The following NUTM2E variants were observed in gnomAD, a reference collection of about 807,000 sequenced individuals.
The protein encoded by NUTM2E is family with sequence similarity 22, member E.
NUTM2E carries 3 observed loss-of-function variants against 26.1 expected under a neutral mutation model. That is an observed-to-expected ratio of 0.12 (90% CI 0.05 to 0.30). The LOEUF (loss-of-function observed/expected upper bound fraction) is 0.30, where lower values mean the gene tolerates loss of function less well. Ranked by LOEUF, NUTM2E falls within the 10% of genes least tolerant of loss-of-function variation. The pLI, the probability that NUTM2E is intolerant of heterozygous loss-of-function variation, is 1.00. For missense variants in NUTM2E, 62 were observed against 381.3 expected (o/e 0.16, Z 6.97); for synonymous variants, 13 against 157.5 (o/e 0.08, Z 6.87).
chr10:79,829,847 A>G (rs1308355358), intron 1 of NUTM2E, among the ~76,000 whole-genome samples: 11 of 151,550 alleles, frequency 7.3e-5, no homozygotes. Flanking sequence ...AGCTGATGTA[A>G]AGGACATCCA....
At chr10:79,834,249 C>G (rs1189988034) in intron 1 of NUTM2E, among the ~76,000 whole-genome samples, 1 of 151,572 alleles carries the variant, frequency 6.6e-6, no homozygotes, top group African/African-American at 2.4e-5. Flanking sequence ...AAGAGAAATA[C>G]GTAATGCAGA....
At chr10:79,831,861 C>T (rs1166356869) in intron 1 of NUTM2E, among the ~76,000 whole-genome samples, 2 of 150,740 alleles carry the variant, frequency 1.3e-5, no homozygotes, top group Non-Finnish European at 3.0e-5. Flanking sequence ...AACAAATTAC[C>T]GTAGACTGGG....
intron 6 of NUTM2E, among the ~76,000 whole-genome samples, chr10:79,847,251 A>C (rs1422327339): frequency 8.6e-6 from 1 of 116,288 alleles, no homozygotes; most frequent in Non-Finnish European, 2.2e-5. Flanking sequence ...GGTCACCTCC[A>C]GCTGTGGGGA....
chr10:79,849,066 CTGTG>C (rs1458730373), intron 8 of NUTM2E, among the ~76,000 whole-genome samples, 171 bp downstream of exon 8: 6 of 111,618 alleles, frequency 5.4e-5, no homozygotes, highest in Non-Finnish European at 9.1e-5. Flanking sequence ...TGGTTTGTTA[CTGTG>C]TGTCTTTGTG....
intron 1 of NUTM2E, among the ~76,000 whole-genome samples, chr10:79,832,022 A>C (rs1161544694): frequency 1.6e-4 from 1 of 6,122 alleles, no homozygotes; most frequent in African/African-American, 3.1e-4. Context: ...AGAGACTGAG[A>C]GAGAGAAAGA....
At chr10:79,833,197 A>G (rs1258058875) in intron 1 of NUTM2E, among the ~76,000 whole-genome samples, 1 of 151,944 alleles carries the variant, frequency 6.6e-6, no homozygotes, top group Admixed American at 6.6e-5. Flanking sequence ...ATTAAGCAGA[A>G]GAAATTGCTT....
In NUTM2E at chr10:79,832,999, G is replaced by A. The variant is rs543940158; in HGVS notation, c.-2727-5310G>A. 9.5e-4 allele frequency among the ~76,000 whole-genome samples: 144 copies of A among 151,706 alleles called. 2 individuals are homozygous for A. The highest frequency in any genetic ancestry group is 2.8e-3 in the African/African-American group (118 of 41,434). On this transcript the variant is annotated intron_variant, in intron 1 of 9. Coordinates refer to ENST00000429984, the MANE Select transcript of NUTM2E (RefSeq NM_001355263.2). ...GTATATGTATCTGCATGTTTGTGTC[G>A]TATTTTGGAGTTGTTATTCAGCTTT...
chr10:79,831,101 A>C (rs1324983708), intron 1 of NUTM2E, among the ~76,000 whole-genome samples: 1 of 151,816 alleles, frequency 6.6e-6, no homozygotes, highest in African/African-American at 2.4e-5. Context: ...TGAGCCTCCA[A>C]ATAGTGCATT....
chr10:79,827,257 C>T lies in NUTM2E; in HGVS notation c.-2828C>T, dbSNP rs1044031087. 6 of 152,714 alleles carry T rather than the reference C, an allele frequency of 3.9e-5. 1 individual carries two copies. The highest frequency in any genetic ancestry group is 7.3e-5 in the African/African-American group (3 of 41,210). 9.5% of individuals were successfully genotyped at this position (152,714 alleles called of 1,614,324 possible). A position where few individuals can be genotyped will look rare whatever the true frequency, so the allele number is the denominator to read the frequency against. ...TGGCTTCAGCGGAATACCTACTGTGCGGGATTATTCAACAAGCCGATTGAT... is the reference window on the plus strand; with the variant it reads ...TGGCTTCAGCGGAATACCTACTGTGTGGGATTATTCAACAAGCCGATTGAT... On this transcript the variant is annotated 5_prime_UTR_variant, in exon 1 of 10. Coordinates refer to ENST00000429984, the MANE Select transcript of NUTM2E (RefSeq NM_001355263.2).
Position 79,841,038 on chromosome 10 carries a change from A to T in NUTM2E, c.-703A>T, listed in dbSNP as rs1199068934. 6.5e-5 allele frequency among the ~76,000 whole-genome samples: 7 copies of T among 107,554 alleles called. No homozygotes were observed. Among genetic ancestry groups the T allele is most frequent in the Admixed American group, 1.1e-4 (1 of 9,156 alleles). 70.6% of individuals were successfully genotyped at this position (107,554 alleles called of 152,430 possible). A position where few individuals can be genotyped will look rare whatever the true frequency, so the allele number is the denominator to read the frequency against. ...TTAAAGACAGGCTACAATAATTCCC[A>T]TGCAGAGAACCACATGCCATGACAC... is the stretch of plus-strand genomic sequence containing the variant. On this transcript the variant is annotated 5_prime_UTR_variant, in exon 4 of 10. An upstream start codon of the reference 5' UTR is lost. Coordinates refer to ENST00000429984, the MANE Select transcript of NUTM2E (RefSeq NM_001355263.2).
chr10:79,834,965 G>A (rs1204687586), intron 1 of NUTM2E, among the ~76,000 whole-genome samples: 5 of 151,438 alleles, frequency 3.3e-5, no homozygotes, highest in African/African-American at 9.7e-5. Flanking sequence ...TCTATTATCT[G>A]TCTCTTAATC....
At position 79,827,099 on chromosome 10, in the gene NUTM2E, G is replaced by T. The variant is rs1841888360; in HGVS notation, c.-2986G>T. 6.6e-6 allele frequency: 1 copy of T among 152,196 alleles called. No individual in the cohort carries two copies. The highest frequency in any genetic ancestry group is 6.6e-5 in the Admixed American group (1 of 15,180). 9.4% of individuals were successfully genotyped at this position (152,196 alleles called of 1,614,324 possible). A position where few individuals can be genotyped will look rare whatever the true frequency, so the allele number is the denominator to read the frequency against. ...AGCCCCGCCCGCGGCGAGGTGCGCGGGGTTCGGTGCGAGCCCCTCGCCCCT... is the reference window on the plus strand; with the variant it reads ...AGCCCCGCCCGCGGCGAGGTGCGCGTGGTTCGGTGCGAGCCCCTCGCCCCT... On this transcript the variant is annotated 5_prime_UTR_variant, in exon 1 of 10. Coordinates refer to ENST00000429984, the MANE Select transcript of NUTM2E (RefSeq NM_001355263.2).
At chr10:79,828,567 A>C (rs1035468092) in intron 1 of NUTM2E, among the ~76,000 whole-genome samples, 1 of 151,924 alleles carries the variant, frequency 6.6e-6, no homozygotes, top group Non-Finnish European at 1.5e-5. Flanking sequence ...TGGTAGTGGA[A>C]AAGTAGAAGG....
rs2132419482 is a variant in NUTM2E at position 79,840,581 on chromosome 10, G to A, written c.-1160G>A. ...CCTTCTCACACAACTGGGGCAGTGG[G>A]GGAGAACCCTGGGCTTGAGACTTGC... On this transcript the variant is annotated 5_prime_UTR_variant, in exon 4 of 10. Transcript: ENST00000429984. 6.9e-6 allele frequency among the ~76,000 whole-genome samples: 1 copy of A among 145,482 alleles called. No individual in the cohort carries two copies. Among genetic ancestry groups the A allele is most frequent in the Admixed American group, 6.9e-5 (1 of 14,548 alleles).
At position 79,840,802 on chromosome 10, in the gene NUTM2E, C is replaced by A. The variant is rs1841994269; in HGVS notation, c.-939C>A. 8.1e-6 allele frequency among the ~76,000 whole-genome samples: 1 copy of A among 123,246 alleles called. No individual in the cohort carries two copies. The highest frequency in any genetic ancestry group is 8.6e-5 in the Admixed American group (1 of 11,646). The allele number at this position is 123,246 out of a possible 152,430, so 80.9% of individuals were successfully genotyped here. ...CTTCCCTTCCCCAACACCCTCCCAT[C>A]GTGCAAAATTACCCTGCCCAGCAGG... On this transcript the variant is annotated 5_prime_UTR_variant, in exon 4 of 10. Transcript: ENST00000429984.
Position 79,827,784 on chromosome 10 carries a change from G to T in NUTM2E, c.-2728+427G>T, listed in dbSNP as rs570432594. Among the ~76,000 whole-genome samples the T allele has an allele frequency of 1.1e-4, 11 of 102,960 alleles. No individual in the cohort carries two copies. In the South Asian group the frequency reaches 2.1e-3, roughly 20 times the overall value. The allele number at this position is 102,960 out of a possible 152,430, so 67.5% of individuals were successfully genotyped here. On this transcript the variant is annotated intron_variant, in intron 1 of 9. Transcript: ENST00000429984. ...CCCATACTAAATGAATTATTTAGTG[G>T]TTTTTTTTTTGTTTTTTTTTTTTTG...
chr10:79,845,316 G>A lies in NUTM2E; in HGVS notation c.1082+444G>A, dbSNP rs1432245596. Among the ~76,000 whole-genome samples the A allele has an allele frequency of 7.9e-5, 9 of 113,790 alleles. 1 individual carries two copies. Among genetic ancestry groups the A allele is most frequent in the African/African-American group, 2.0e-4 (7 of 35,792 alleles). The allele number at this position is 113,790 out of a possible 152,430, so 74.7% of individuals were successfully genotyped here. ...GAACCTGGCACATGCCCGCAGTTCC[G>A]CTGAGGTCCAGTTAGCACAGCGGTG... is the stretch of plus-strand genomic sequence containing the variant. On this transcript the variant is annotated intron_variant, in intron 5 of 9. Coordinates refer to ENST00000429984, the MANE Select transcript of NUTM2E (RefSeq NM_001355263.2).
At chr10:79,828,381 T>A (rs1841903455) in intron 1 of NUTM2E, among the ~76,000 whole-genome samples, 1 of 151,938 alleles carries the variant, frequency 6.6e-6, no homozygotes, top group African/African-American at 2.4e-5. Flanking sequence ...TACGTTTTTA[T>A]GTCTGTAACA....
intron 1 of NUTM2E, among the ~76,000 whole-genome samples, chr10:79,830,600 C>T (rs1299189566): frequency 6.6e-6 from 1 of 151,554 alleles, no homozygotes. Context: ...AAGCATCAAA[C>T]TGAAAAGCAA....
Sources: allele counts gnomAD v4.1 joint callset (sites outside exome capture counted in the v4.1 genomes callset), GRCh38; gene constraint gnomAD v4.1.1; transcripts MANE v1.5; gene names NCBI Gene and HGNC (gene_info 2026-07-23, HGNC 2026-07-21).